The following EIF4G3 variants were observed in gnomAD, a reference collection of about 807,000 sequenced individuals.
EIF4G3 encodes eukaryotic translation initiation factor 4 gamma 3.
A neutral mutation model predicts 186.4 loss-of-function variants in EIF4G3; 34 were observed. The ratio of observed to expected loss-of-function variants is 0.18; its 90% CI spans 0.14 to 0.24. The LOEUF (loss-of-function observed/expected upper bound fraction) is 0.24, where lower values mean the gene tolerates loss of function less well. Among genes scored for constraint, EIF4G3 ranks in the 10% least tolerant of loss-of-function variants. EIF4G3 has a pLI of 1.00. For missense variants in EIF4G3, 1,536 were observed against 1,948.5 expected (o/e 0.79, Z 3.99); for synonymous variants, 673 against 679.5 (o/e 0.99, Z 0.15).
rs550441010 is a variant in EIF4G3 at position 20,958,935 on chromosome 1, T to C, written c.715-8824A>G. Among the ~76,000 whole-genome samples, 107 of 152,176 alleles carry C rather than the reference T, an allele frequency of 7.0e-4. 1 individual carries two copies. The highest frequency in any genetic ancestry group is 1.3e-4 in the Non-Finnish European group (9 of 67,986). On this transcript the variant is annotated intron_variant, in intron 12 of 36. Transcript: ENST00000602326. ...CAAATGGAAATGCATCCCATAATCA[T>C]AGACTGGAAGAATCAATGTTGTGAA... is the stretch of plus-strand genomic sequence containing the variant.
rs369106952 is a variant in EIF4G3, at chr1:21,151,142, GCTA to G, written c.-272+25030_-272+25032del. On this transcript the variant is annotated intron_variant, in intron 2 of 36. Coordinates refer to ENST00000602326, the MANE Select transcript of EIF4G3 (RefSeq NM_001391906.1). ...TTTTAAATAAAATTTGAATATACAT[GCTA>G]CTTTTAACTGACTTCCACGGAGAAA... 4.9e-3 allele frequency among the ~76,000 whole-genome samples: 736 copies of G among 150,694 alleles called. 5 individuals are homozygous for G. Among genetic ancestry groups the G allele is most frequent in the African/African-American group, 0.017 (702 of 41,046 alleles).
intron 14 of EIF4G3, among the ~76,000 whole-genome samples, chr1:20,917,946 C>T (rs1232956342): frequency 5.9e-5 from 9 of 151,988 alleles, no homozygotes; most frequent in Non-Finnish European, 8.8e-5. Context: ...GTTATTTTTC[C>T]GTTTACAAAG....
intron 12 of EIF4G3, among the ~76,000 whole-genome samples, chr1:20,963,574 T>C (rs2073934894): frequency 6.6e-6 from 1 of 152,142 alleles, no homozygotes; most frequent in Admixed American, 6.5e-5. Flanking sequence ...ATGTCATAAC[T>C]GTGTTTCATT....
intron 15 of EIF4G3, among the ~76,000 whole-genome samples, chr1:20,903,279 C>G (rs1020552752): frequency 6.6e-6 from 1 of 152,112 alleles, no homozygotes; most frequent in Non-Finnish European, 1.5e-5. Context: ...TTGTGACAGC[C>G]TAAAATATTT....
intron 4 of EIF4G3, among the ~76,000 whole-genome samples, chr1:21,035,400 G>C (rs956413388): frequency 1.3e-5 from 2 of 152,184 alleles, no homozygotes; most frequent in Admixed American, 6.5e-5. Flanking sequence ...TCAGGTCATG[G>C]CTGTGGGCCC....
chr1:20,951,059 A>G (rs1178298929), intron 12 of EIF4G3, among the ~76,000 whole-genome samples: 2 of 151,142 alleles, frequency 1.3e-5, no homozygotes, highest in African/African-American at 4.9e-5. Flanking sequence ...GCACAATTCT[A>G]TTTTTCTTTT....
chr1:20,868,952 A>G (rs1027807311), intron 20 of EIF4G3, among the ~76,000 whole-genome samples: 1 of 152,232 alleles, frequency 6.6e-6, no homozygotes, highest in African/African-American at 2.4e-5. Context: ...TCTTCAAGCA[A>G]CAGGGCCTAT....
chr1:21,004,168 T>C (rs2084387849), intron 4 of EIF4G3, among the ~76,000 whole-genome samples: 1 of 152,192 alleles, frequency 6.6e-6, no homozygotes, highest in Non-Finnish European at 1.5e-5. Flanking sequence ...TGCTGTAATC[T>C]TGCCAAAGCT....
intron 14 of EIF4G3, among the ~76,000 whole-genome samples, chr1:20,932,570 C>T (rs559081424): frequency 3.3e-5 from 5 of 152,130 alleles, no homozygotes; most frequent in African/African-American, 7.2e-5. Flanking sequence ...GTTATTAATA[C>T]CCTAATTTCA....
chr1:20,972,297 A>G (rs2076058618), intron 11 of EIF4G3, among the ~76,000 whole-genome samples: 1 of 151,868 alleles, frequency 6.6e-6, no homozygotes, highest in Non-Finnish European at 1.5e-5. Flanking sequence ...TCCTTGTGCT[A>G]TTTTTTTCTT....
intron 4 of EIF4G3, among the ~76,000 whole-genome samples, chr1:21,028,994 A>G (rs1253670445): frequency 6.6e-6 from 1 of 152,184 alleles, no homozygotes; most frequent in Non-Finnish European, 1.5e-5. Flanking sequence ...GTGAATCTCC[A>G]GCCTCAGCTT....
chr1:20,852,674 G>C (rs910642823), intron 27 of EIF4G3, among the ~76,000 whole-genome samples: 1 of 152,168 alleles, frequency 6.6e-6, no homozygotes, highest in Admixed American at 6.5e-5. Context: ...GCAGGAAAAT[G>C]GTCTAACTAT....
intron 3 of EIF4G3, among the ~76,000 whole-genome samples, chr1:21,066,345 T>C (rs1250431281): frequency 6.6e-6 from 1 of 150,870 alleles, no homozygotes; most frequent in Non-Finnish European, 1.5e-5. Context: ...ATAAAGTTAC[T>C]AAACAAATGC....
chr1:21,043,870 CAA>C (rs1427967397), intron 4 of EIF4G3, among the ~76,000 whole-genome samples: 1 of 141,048 alleles, frequency 7.1e-6, no homozygotes, highest in African/African-American at 2.7e-5. Flanking sequence ...AACCTTGGCG[CAA>C]AAAAAAAAAA....
intron 13 of EIF4G3, among the ~76,000 whole-genome samples, chr1:20,945,662 C>A (rs1469123683): frequency 6.6e-6 from 1 of 152,194 alleles, no homozygotes; most frequent in East Asian, 1.9e-4. Flanking sequence ...GACAGGGTAT[C>A]GCTATGTTAC....
intron 2 of EIF4G3, among the ~76,000 whole-genome samples, chr1:21,146,058 A>G (rs565318031): frequency 1.4e-4 from 21 of 152,178 alleles, no homozygotes; most frequent in African/African-American, 5.1e-4. Flanking sequence ...TTGTGCCACT[A>G]CACTCCAGCC....
intron 29 of EIF4G3, among the ~76,000 whole-genome samples, chr1:20,841,875 T>C (rs1416973840): frequency 7.1e-6 from 1 of 141,670 alleles, no homozygotes; most frequent in Non-Finnish European, 1.5e-5. Context: ...AGGATGTAGG[T>C]AGGAAGGGGG....
chr1:20,928,154 A>C (rs1258290237), intron 14 of EIF4G3, among the ~76,000 whole-genome samples: 2 of 152,230 alleles, frequency 1.3e-5, no homozygotes, highest in Admixed American at 6.5e-5. Flanking sequence ...AACTAGTAGT[A>C]AAGTAATAAG....
chr1:21,009,558 C>T (rs986381173), intron 4 of EIF4G3, among the ~76,000 whole-genome samples: 1 of 151,776 alleles, frequency 6.6e-6, no homozygotes, highest in Admixed American at 6.6e-5. Context: ...ATGTTTGACA[C>T]TTAAATCTGG....
Sources: allele counts gnomAD v4.1 joint callset (sites outside exome capture counted in the v4.1 genomes callset), GRCh38; gene constraint gnomAD v4.1.1; transcripts MANE v1.5; gene names NCBI Gene and HGNC (gene_info 2026-07-23, HGNC 2026-07-21).